Variants in FLNB observed in about 807,000 individuals in gnomAD.
FLNB encodes filamin B.
Under a neutral mutation model 250.6 loss-of-function variants are expected in FLNB, and 111 were observed. That is an observed-to-expected ratio of 0.44 (90% confidence interval 0.38 to 0.52). The LOEUF (loss-of-function observed/expected upper bound fraction) is 0.52, where lower values mean the gene tolerates loss of function less well. Among genes scored for constraint, FLNB ranks in the 20% least tolerant of loss-of-function variants. FLNB has a pLI of 0.00. For missense variants in FLNB, 2,869 were observed against 3,447.8 expected, an observed-to-expected ratio of 0.83 and a Z score of 4.20; for synonymous variants, 1,302 against 1,372.1, an observed-to-expected ratio of 0.95 and a Z score of 1.13.
chr3:58,108,296 T>C (rs1286067064), intron 12 of FLNB, among the ~76,000 whole-genome samples, 162 bp from the exon 13 acceptor site: 2 of 152,196 alleles, frequency 1.3e-5, no homozygotes, highest in Non-Finnish European at 2.9e-5. Context: ...AGTTACAACC[T>C]ACTTTAGCAC....
chr3:58,159,380 T>C (rs1231992414), intron 41 of FLNB, among the ~76,000 whole-genome samples, 174 bp from the exon 42 acceptor site: 1 of 152,218 alleles, frequency 6.6e-6, no homozygotes. Flanking sequence ...GATGCACGTC[T>C]CTGCTATCTT....
chr3:58,144,243 G>C (rs2097332053), intron 32 of FLNB, among the ~76,000 whole-genome samples: 1 of 152,078 alleles, frequency 6.6e-6, no homozygotes, highest in South Asian at 2.1e-4. Context: ...TTCGATTTCA[G>C]AGTTTCAGGG....
chr3:58,140,028 C>G (rs1472314177), intron 29 of FLNB, among the ~76,000 whole-genome samples: 3 of 152,198 alleles, frequency 2.0e-5, no homozygotes, highest in East Asian at 1.9e-4. Context: ...GCCCCCTGAC[C>G]ACTGCTGAAG....
chr3:58,165,647 A>T (rs1216920964), intron 43 of FLNB: 3 of 152,146 alleles, frequency 2.0e-5, no homozygotes, highest in Non-Finnish European at 2.9e-5. Flanking sequence ...GAGTAGGGGA[A>T]TGTGGAGAAT....
intron 4 of FLNB, among the ~76,000 whole-genome samples, chr3:58,086,546 T>G (rs2097217672): frequency 6.6e-6 from 1 of 152,192 alleles, no homozygotes; most frequent in Non-Finnish European, 1.5e-5. Context: ...CTTTTAAAAT[T>G]TATTTGTAGT....
intron 25 of FLNB, chr3:58,132,233 A>C (rs1479089400): frequency 5.3e-6 from 3 of 563,272 alleles, no homozygotes; most frequent in Non-Finnish European, 9.5e-6. Context: ...ATGTTTTAGC[A>C]TAATCTCTAA....
intron 8 of FLNB, among the ~76,000 whole-genome samples, chr3:58,099,479 T>C (rs536500941): frequency 6.6e-6 from 1 of 152,220 alleles, no homozygotes; most frequent in Non-Finnish European, 1.5e-5. Context: ...CCTCTGGCGC[T>C]GGGGGTACGC....
At chr3:58,048,864 G>A (rs997880148) in intron 1 of FLNB, among the ~76,000 whole-genome samples, 1 of 152,172 alleles carries the variant, frequency 6.6e-6, no homozygotes, top group African/African-American at 2.4e-5. Flanking sequence ...CTAGTGACTG[G>A]TAACTCTCAT....
rs1337838813 is a variant in FLNB at position 58,010,554 on chromosome 3, G to C, written c.292+1698G>C. 3.9e-5 allele frequency among the ~76,000 whole-genome samples: 6 copies of C among 152,298 alleles called. No homozygotes were observed. The South Asian group carries it at 8.3e-4, about 21-fold the overall frequency. On this transcript the variant is annotated intron_variant, in intron 1 of 45. Transcript: ENST00000295956. The stretch of plus-strand genomic sequence containing the variant: ...CCTGTACTGGGGAGGGAGAACCTCA[G>C]AATCTCCTGGAATTCTTTACCATTC...
chr3:58,106,548 G>T, intron 11 of FLNB, 132 bp from the exon 12 acceptor site: 1 of 795,742 alleles, frequency 1.3e-6, no homozygotes, highest in Non-Finnish European at 2.1e-6. Context: ...TTGGAAGAAA[G>T]GGATACAAAC....
rs1372593063 is a variant in FLNB, at chr3:58,104,103, G to T, written c.1610+18G>T. 3 of 1,613,270 alleles carry T rather than the reference G, an allele frequency of 1.9e-6. No individual in the cohort carries two copies. The African/African-American group carries it at 4.0e-5, about 22-fold the overall frequency. On this transcript the variant is annotated intron_variant, in intron 10 of 45. Coordinates refer to ENST00000295956, the MANE Select transcript of FLNB (RefSeq NM_001457.4). ...CCAAAGAGGTGAGGCTCCTGCTGCA[G>T]AGGGGTCTTCTCTGGAGGGTGCTCG...
rs143752722 is a variant in FLNB, at chr3:58,148,320, G to A, written c.5843G>A (p.Arg1948Gln). The A allele has an allele frequency of 3.9e-5, 63 of 1,614,038 alleles. No individual in the cohort carries two copies. In the East Asian group the frequency reaches 5.3e-4, roughly 14 times the overall value. ...GCCAGCATTAAGGCCCCATCTGGCC[G>A]AGACGAGCCCTGTCTCCTGAAGAGG... ...LTASIKAPSG[R>Q]DEPCLLKRLP... The change falls in exon 35 of 46, where the codon CGA becomes CAA. Residue 1948 changes from arginine (R) to glutamine (Q), a missense_variant. Physicochemically the swap from Arg to Gln is conservative, Grantham distance 43 (BLOSUM62 1). Coordinates refer to ENST00000295956, the MANE Select transcript of FLNB (RefSeq NM_001457.4).
chr3:58,168,737 G>GATT, intron 44 of FLNB, 79 bp downstream of exon 44: 1 of 1,073,202 alleles, frequency 9.3e-7, no homozygotes, highest in Non-Finnish European at 1.4e-6. Context: ...TGGAAACTAT[G>GATT]GATGGTTTTA....
chr3:58,061,075 T>TCC (rs2097177847), intron 1 of FLNB, among the ~76,000 whole-genome samples: 1 of 152,068 alleles, frequency 6.6e-6, no homozygotes, highest in South Asian at 2.1e-4. Flanking sequence ...CCTTTGCTGA[T>TCC]AGGTAACATT....
chr3:58,168,021 C>T (rs1310768524), intron 43 of FLNB, among the ~76,000 whole-genome samples: 1 of 152,168 alleles, frequency 6.6e-6, no homozygotes, highest in Non-Finnish European at 1.5e-5. Flanking sequence ...CTGGCTTCTC[C>T]AAGTCTACCC....
intron 1 of FLNB, among the ~76,000 whole-genome samples, chr3:58,021,097 A>G (rs2097113392): frequency 6.6e-6 from 1 of 152,030 alleles, no homozygotes; most frequent in African/African-American, 2.4e-5. Flanking sequence ...GTTTCCCTGC[A>G]CCTCCTTGAA....
chr3:58,032,101 CT>C lies in FLNB; in HGVS notation c.292+23252del, dbSNP rs553761819. 5.9e-5 allele frequency among the ~76,000 whole-genome samples: 9 copies of C among 151,826 alleles called. No individual in the cohort carries two copies. The East Asian group carries it at 1.6e-3, about 26-fold the overall frequency. The stretch of plus-strand genomic sequence containing the variant: ...GTGCCACCACACCTGACTAATTTTT[CT>C]TTTTTTCTTTTTTTGTATTTTTGGT... On this transcript the variant is annotated intron_variant, in intron 1 of 45. Coordinates refer to ENST00000295956, the MANE Select transcript of FLNB (RefSeq NM_001457.4).
intron 1 of FLNB, among the ~76,000 whole-genome samples, chr3:58,072,346 G>A (rs887941941): frequency 9.9e-5 from 15 of 152,066 alleles, no homozygotes; most frequent in African/African-American, 3.4e-4. Flanking sequence ...TTTTATTCCC[G>A]AAAAAGGCCC....
intron 1 of FLNB, among the ~76,000 whole-genome samples, chr3:58,032,383 G>A (rs1173461445): frequency 6.6e-6 from 1 of 152,146 alleles, no homozygotes; most frequent in Non-Finnish European, 1.5e-5. Context: ...TGAAACGGCT[G>A]AGCTAATTAC....
Sources: allele counts gnomAD v4.1 joint callset (sites outside exome capture counted in the v4.1 genomes callset), GRCh38; gene constraint gnomAD v4.1.1; transcripts MANE v1.5; gene names NCBI Gene and HGNC (gene_info 2026-07-23, HGNC 2026-07-21).